PRAG1: variants seen among roughly 807,000 people sequenced by gnomAD.
PRAG1 encodes the protein PEAK1 related, kinase-activating pseudokinase 1.
Under a neutral mutation model 95.6 loss-of-function variants are expected in PRAG1, and 110 were observed. The ratio of observed to expected loss-of-function variants is 1.15; its 90% CI spans 0.99 to 1.35. The LOEUF is 1.35. Ranked by LOEUF, PRAG1 falls within the 40% of genes most tolerant of loss-of-function variation. PRAG1 has a pLI of 0.00. For synonymous variants in PRAG1, 1,052 were observed against 819.4 expected (o/e 1.28, Z -4.85); for missense variants, 2,554 against 1,864.7 (o/e 1.37, Z -6.81).
chr8:8,318,948 G>A lies in PRAG1; in HGVS notation c.3427C>T (p.His1143Tyr), dbSNP rs1798381030. The A allele has an allele frequency of 1.9e-6, 3 of 1,612,770 alleles. No individual in the cohort carries two copies. The highest frequency in any genetic ancestry group is 2.2e-5 in the East Asian group (1 of 44,848). Residue 1143 changes from histidine (H) to tyrosine (Y), a missense_variant, in exon 6 of 6, where the codon CAC (histidine) becomes TAC (tyrosine). Transcript: ENST00000615670. The surrounding 1 kb of genome is among the most constrained non-coding windows in gnomAD (Gnocchi z 4.2). The stretch of plus-strand genomic sequence containing the variant: ...AGGTTCTCCAGGCACAGGTCCCGGT[G>A]GATGATCCCGTGCTCCTTCAGGTGC... ...LEHLKEHGII[H>Y]RDLCLENLLL...
At chr8:8,379,084 G>GGTGAGGGGTGGCTTCTGAACCGGATCAGA (rs1800546507) in intron 2 of PRAG1, among the ~76,000 whole-genome samples, 1 of 151,754 alleles carries the variant, frequency 6.6e-6, no homozygotes, top group African/African-American at 2.4e-5. Context: ...ACTGGATCAG[G>GGTGAGGGGTGGCTTCTGAACCGGATCAGA]GTGAGGGGTG....
chr8:8,357,322 T>C (rs2116881681), intron 3 of PRAG1, among the ~76,000 whole-genome samples: 1 of 152,076 alleles, frequency 6.6e-6, no homozygotes, highest in South Asian at 2.1e-4. Context: ...CAAACAACAC[T>C]TAAAACTCAA....
intron 1 of PRAG1, among the ~76,000 whole-genome samples, chr8:8,385,611 G>A (rs929270424): frequency 6.6e-6 from 1 of 152,210 alleles, no homozygotes; most frequent in African/African-American, 2.4e-5. Context: ...AGACCATTGG[G>A]CTTTGCTATC....
intron 4 of PRAG1, 39 bp downstream of exon 4, chr8:8,339,438 AG>A: frequency 6.2e-7 from 1 of 1,602,300 alleles, no homozygotes; most frequent in Non-Finnish European, 8.5e-7. Context: ...TTGAAGGTCC[AG>A]GAGAATCTAA....
chr8:8,328,512 C>G, intron 4 of PRAG1, 51 bp from the exon 5 acceptor site: 3 of 1,585,182 alleles, frequency 1.9e-6, no homozygotes, highest in East Asian at 2.3e-5. Flanking sequence ...CCACTCAATT[C>G]CAGGGTCCTG....
chr8:8,378,244 C>A (rs1323588184), intron 2 of PRAG1, among the ~76,000 whole-genome samples, 166 bp from the exon 3 acceptor site: 2 of 152,204 alleles, frequency 1.3e-5, no homozygotes. Flanking sequence ...TTCTCATCTC[C>A]CCACGGCCCT....
intron 3 of PRAG1, among the ~76,000 whole-genome samples, chr8:8,372,865 C>A (rs1800256396): frequency 6.6e-6 from 1 of 152,150 alleles, no homozygotes; most frequent in East Asian, 1.9e-4. Context: ...AAATCATTCC[C>A]CGTTCTTCCA....
At chr8:8,327,664 C>A in intron 5 of PRAG1, 46 bp downstream of exon 5, 1 of 1,571,192 alleles carries the variant, frequency 6.4e-7, no homozygotes. Flanking sequence ...CCCAAGCCAG[C>A]ACCAGCCAGT....
intron 3 of PRAG1, among the ~76,000 whole-genome samples, chr8:8,347,065 T>C (rs925119203): frequency 3.3e-5 from 5 of 152,204 alleles, no homozygotes; most frequent in African/African-American, 9.7e-5. Context: ...AAACAGTCTA[T>C]ACATGTTTTT....
chr8:8,318,740 A>T lies in PRAG1; in HGVS notation c.3635T>A (p.Leu1212His). ...GGCCTTCAAAAAGTTGCTGATGATGAGCCGGGGCAGCTGCTTCTCCCGGGG... is the reference window on the plus strand; with the variant it reads ...GGCCTTCAAAAAGTTGCTGATGATGTGCCGGGGCAGCTGCTTCTCCCGGGG... ...EGPREKQLPR[L>H]IISNFLKAKQ... The change falls in exon 6 of 6, where the codon CTC becomes CAC. Residue 1212 changes from leucine (L) to histidine (H), a missense_variant. Physicochemically the swap from Leu to His is moderately conservative, Grantham distance 99. Transcript: ENST00000615670. This position sits in a 1 kb window ranked among gnomAD's most constrained non-coding sequence, Gnocchi z 4.2. 1 of 1,602,040 alleles carries T rather than the reference A, an allele frequency of 6.2e-7. No homozygotes were observed. Among genetic ancestry groups the T allele is most frequent in the Non-Finnish European group, 8.5e-7 (1 of 1,174,910 alleles).
At chr8:8,346,692 C>T (rs977261821) in intron 3 of PRAG1, among the ~76,000 whole-genome samples, 6 of 152,220 alleles carry the variant, frequency 3.9e-5, no homozygotes, top group East Asian at 1.9e-4. Flanking sequence ...CAATCCTTAA[C>T]GGATGCGGGG....
chr8:8,370,810 C>G (rs1800169330), intron 3 of PRAG1, among the ~76,000 whole-genome samples: 1 of 152,166 alleles, frequency 6.6e-6, no homozygotes, highest in Non-Finnish European at 1.5e-5. Flanking sequence ...ACTCATGACA[C>G]TGTCACTACC....
At chr8:8,365,435 C>T (rs577171588) in intron 3 of PRAG1, among the ~76,000 whole-genome samples, 4 of 151,332 alleles carry the variant, frequency 2.6e-5, no homozygotes, top group Non-Finnish European at 4.4e-5. Context: ...ACCACCTGAC[C>T]GACATGGAGA....
intron 3 of PRAG1, among the ~76,000 whole-genome samples, chr8:8,355,711 CTG>C (rs1344136628): frequency 1.3e-5 from 2 of 152,118 alleles, no homozygotes; most frequent in East Asian, 1.9e-4. Flanking sequence ...GCTGGGAAAA[CTG>C]TATCTCCACA....
At chr8:8,334,115 G>GA (rs1205673165) in intron 4 of PRAG1, among the ~76,000 whole-genome samples, 2 of 152,104 alleles carry the variant, frequency 1.3e-5, no homozygotes, top group Admixed American at 1.3e-4. Context: ...GTCAGAGCAG[G>GA]TTCAACATGA....
At chr8:8,325,166 G>A (rs1203239887) in intron 5 of PRAG1, among the ~76,000 whole-genome samples, 1 of 152,216 alleles carries the variant, frequency 6.6e-6, no homozygotes, top group South Asian at 2.1e-4. Flanking sequence ...ATTTCGTCTA[G>A]ACTGGAGAGC....
At chr8:8,371,315 C>A (rs1004501256) in intron 3 of PRAG1, among the ~76,000 whole-genome samples, 18 of 151,708 alleles carry the variant, frequency 1.2e-4, no homozygotes, top group Non-Finnish European at 1.9e-4. Flanking sequence ...GGCTGGAGCT[C>A]AGTGGTGCGA....
rs536511482 is a variant in PRAG1, at chr8:8,318,019, T to C, written c.*135A>G. 7 of 641,918 alleles carry C rather than the reference T, an allele frequency of 1.1e-5. No individual in the cohort carries two copies. The highest frequency in any genetic ancestry group is 7.5e-5 in the African/African-American group (4 of 53,416). The allele number at this position is 641,918 out of a possible 1,614,324, so 39.8% of individuals were successfully genotyped here. A position where few individuals can be genotyped will look rare whatever the true frequency, so the allele number is the denominator to read the frequency against. ...ATATATGGTATATGTATTTTCTATA[T>C]ATATATTTATATATTTTACATCCAG... On this transcript the variant is annotated 3_prime_UTR_variant, in exon 6 of 6. Coordinates refer to ENST00000615670, the MANE Select transcript of PRAG1 (RefSeq NM_001080826.3). This position sits in a 1 kb window ranked among gnomAD's most constrained non-coding sequence, Gnocchi z 4.2.
intron 5 of PRAG1, among the ~76,000 whole-genome samples, chr8:8,324,676 TTTTGC>T: frequency 6.6e-6 from 1 of 152,290 alleles, no homozygotes; most frequent in East Asian, 1.9e-4. Flanking sequence ...GTTTCTAACG[TTTTGC>T]TGAGCCAGGA....
Sources: gnomAD v4.1 joint callset for allele counts (sites outside exome capture counted in the v4.1 genomes callset) on GRCh38, gnomAD v4.1.1 for gene constraint, Gnocchi (gnomAD v3.1) non-coding constraint, MANE v1.5 for transcripts, NCBI Gene and HGNC (gene_info 2026-07-23, HGNC 2026-07-21) for gene names.